Variants in AK5 observed in about 807,000 individuals in gnomAD.
The protein encoded by AK5 is adenylate kinase isoenzyme 5.
Under a neutral mutation model 69.5 loss-of-function variants are expected in AK5, and 27 were observed. That is an observed-to-expected ratio of 0.39 (90% confidence interval 0.29 to 0.54). AK5 has a LOEUF of 0.54. AK5 is among the 20% of genes least tolerant of loss of function. AK5 has a pLI of 0.71. For missense variants in AK5, 531 were observed against 700.4 expected, an observed-to-expected ratio of 0.76 and a Z score of 2.73; for synonymous variants, 260 against 244.4, an observed-to-expected ratio of 1.06 and a Z score of -0.60.
chr1:77,412,055 T>C (rs1254817927), intron 7 of AK5, among the ~76,000 whole-genome samples: 1 of 152,222 alleles, frequency 6.6e-6, no homozygotes, highest in Non-Finnish European at 1.5e-5. Flanking sequence ...TTCAAGTTAA[T>C]ATTTTATTTA....
intron 6 of AK5, among the ~76,000 whole-genome samples, chr1:77,345,680 G>A (rs1316800260): frequency 6.6e-6 from 1 of 152,142 alleles, no homozygotes; most frequent in African/African-American, 2.4e-5. Context: ...CTACACCATT[G>A]TTTATTACCA....
intron 8 of AK5, among the ~76,000 whole-genome samples, chr1:77,429,911 C>T (rs756966435): frequency 6.6e-6 from 1 of 152,034 alleles, no homozygotes; most frequent in Non-Finnish European, 1.5e-5. Context: ...CAAAAGAAGA[C>T]CAGGATAGCT....
chr1:77,539,985 G>A (rs1038697791), intron 13 of AK5, among the ~76,000 whole-genome samples: 3 of 152,116 alleles, frequency 2.0e-5, no homozygotes, highest in Admixed American at 6.5e-5. Context: ...GCCACAGGGG[G>A]GGCCAACCCA....
At chr1:77,534,281 G>A (rs1368637684) in intron 12 of AK5, among the ~76,000 whole-genome samples, 1 of 152,146 alleles carries the variant, frequency 6.6e-6, no homozygotes. Context: ...GTTGGAGGAG[G>A]ATGCAAAGTA....
Position 77,521,833 on chromosome 1 carries a change from GT to G in AK5, c.1322del (p.Leu441TrpfsTer4). The part of the protein sequence containing the change: ...ERGDLVPSGI[V>X]LELLKEAMVA... Reference sequence around the variant, plus strand: ...CACTCTCGCTTTGCTCCAGGGCATCGTTTTGGAGCTCCTGAAGGAGGCCATG... The same window carrying G: ...CACTCTCGCTTTGCTCCAGGGCATCGTTTGGAGCTCCTGAAGGAGGCCATG... On this transcript the variant is annotated frameshift_variant, in exon 12 of 14. Transcript: ENST00000354567. LOFTEE classifies it high-confidence loss of function. The G allele has an allele frequency of 6.2e-7, 1 of 1,613,432 alleles. No homozygotes were observed. Among genetic ancestry groups the G allele is most frequent in the Non-Finnish European group, 8.5e-7 (1 of 1,179,600 alleles).
intron 6 of AK5, among the ~76,000 whole-genome samples, chr1:77,349,940 C>T (rs1662110114): frequency 6.6e-6 from 1 of 152,158 alleles, no homozygotes; most frequent in Non-Finnish European, 1.5e-5. Flanking sequence ...GTCATTCATT[C>T]AAACCATTTT....
At chr1:77,421,481 T>C (rs1650809457) in intron 8 of AK5, among the ~76,000 whole-genome samples, 2 of 152,166 alleles carry the variant, frequency 1.3e-5, no homozygotes, top group East Asian at 3.8e-4. Context: ...AGAGTTCCTT[T>C]TACATGTGAT....
intron 6 of AK5, among the ~76,000 whole-genome samples, chr1:77,407,950 A>G (rs1235995716): frequency 6.6e-6 from 1 of 152,182 alleles, no homozygotes; most frequent in East Asian, 1.9e-4. Flanking sequence ...TGTTGCTGCA[A>G]AGGACATGAT....
At chr1:77,283,179 C>T in intron 1 of AK5, 1 of 985,560 alleles carries the variant, frequency 1.0e-6, no homozygotes, top group Non-Finnish European at 1.2e-6. Flanking sequence ...GAGGAATGAA[C>T]CTTGGTCTGT....
rs1553138076 is a variant in AK5 at position 77,358,018 on chromosome 1, TGA to T, written c.891+17471_891+17472del. 3.8e-3 allele frequency among the ~76,000 whole-genome samples: 489 copies of T among 128,258 alleles called. 3 individuals are homozygous for T. Among genetic ancestry groups the T allele is most frequent in the African/African-American group, 0.012 (448 of 36,316 alleles). 84.1% of individuals were successfully genotyped at this position (128,258 alleles called of 152,430 possible). On this transcript the variant is annotated intron_variant, in intron 6 of 13. Transcript: ENST00000354567. ...GTGTGTGTGTGTGTGTGTGTGTGTG[TGA>T]GAGAGAGAGAGAGAGAGAGACAGAG...
intron 10 of AK5, among the ~76,000 whole-genome samples, chr1:77,515,495 G>C (rs983534402): frequency 3.9e-5 from 6 of 152,210 alleles, no homozygotes; most frequent in African/African-American, 1.4e-4. Flanking sequence ...TTTCCTTTTA[G>C]CAAGAAAACT....
chr1:77,397,046 G>C (rs1285386903), intron 6 of AK5, among the ~76,000 whole-genome samples: 1 of 152,184 alleles, frequency 6.6e-6, no homozygotes, highest in Non-Finnish European at 1.5e-5. Flanking sequence ...TCAGCTACCA[G>C]GTGTTAAAAT....
intron 13 of AK5, among the ~76,000 whole-genome samples, chr1:77,548,570 G>C (rs1400602309): frequency 6.6e-6 from 1 of 152,196 alleles, no homozygotes; most frequent in East Asian, 1.9e-4. Flanking sequence ...GCTTGGCTTT[G>C]TCCCAGAGGT....
intron 8 of AK5, among the ~76,000 whole-genome samples, chr1:77,440,053 T>C (rs1652226484): frequency 6.6e-6 from 1 of 152,206 alleles, no homozygotes; most frequent in African/African-American, 2.4e-5. Context: ...TTCTCTTTGG[T>C]GTATCTATTC....
At chr1:77,544,951 C>T (rs1659466294) in intron 13 of AK5, among the ~76,000 whole-genome samples, 1 of 152,208 alleles carries the variant, frequency 6.6e-6, no homozygotes, top group African/African-American at 2.4e-5. Flanking sequence ...TTTACACCAG[C>T]ATCACCACAA....
Position 77,476,112 on chromosome 1 carries a change from G to T in AK5, c.1060-7205G>T, listed in dbSNP as rs376396933. 2.0e-5 allele frequency among the ~76,000 whole-genome samples: 3 copies of T among 152,238 alleles called. No individual in the cohort carries two copies. The South Asian group carries it at 6.2e-4, about 32-fold the overall frequency. ...CTGCAATTTAATACAACTGGAAAAAGTTAGCCTAGCATCTACCACATTTTT... is the reference window on the plus strand; with the variant it reads ...CTGCAATTTAATACAACTGGAAAAATTTAGCCTAGCATCTACCACATTTTT... On this transcript the variant is annotated intron_variant, in intron 8 of 13. Transcript: ENST00000354567.
intron 12 of AK5, among the ~76,000 whole-genome samples, chr1:77,529,574 C>T (rs1374796658): frequency 2.0e-5 from 3 of 152,266 alleles, no homozygotes; most frequent in South Asian, 2.1e-4. Flanking sequence ...CTGCCCACCT[C>T]GGCCTCCCAA....
At chr1:77,485,044 C>T (rs553373181) in intron 9 of AK5, among the ~76,000 whole-genome samples, 3 of 152,192 alleles carry the variant, frequency 2.0e-5, no homozygotes, top group South Asian at 2.1e-4. Context: ...TCCTCAGCTT[C>T]GTAAATGTAA....
intron 10 of AK5, among the ~76,000 whole-genome samples, chr1:77,518,219 G>A (rs1181883626): frequency 6.6e-6 from 1 of 152,102 alleles, no homozygotes; most frequent in African/African-American, 2.4e-5. Flanking sequence ...CTACCAAAAC[G>A]GAGCCAAGTA....
Sources: allele counts gnomAD v4.1 joint callset (sites outside exome capture counted in the v4.1 genomes callset), GRCh38; gene constraint gnomAD v4.1.1; transcripts MANE v1.5; gene names NCBI Gene and HGNC (gene_info 2026-07-23, HGNC 2026-07-21).